Variants in ASTN2 observed in about 807,000 individuals in gnomAD.
The protein encoded by ASTN2 is astrotactin-2.
Under a neutral mutation model 139.8 loss-of-function variants are expected in ASTN2, and 54 were observed. The ratio of observed to expected loss-of-function variants is 0.39; its 90% confidence interval spans 0.31 to 0.48. The LOEUF (loss-of-function observed/expected upper bound fraction) is 0.48, where lower values mean the gene tolerates loss of function less well. Ranked by LOEUF, ASTN2 falls within the 20% of genes least tolerant of loss-of-function variation. ASTN2 has a pLI of 0.95. For synonymous variants in ASTN2, 756 were observed against 719.5 expected (o/e 1.05, Z -0.81); for missense variants, 1,565 against 1,725.1 (o/e 0.91, Z 1.64).
intron 13 of ASTN2, among the ~76,000 whole-genome samples, chr9:116,771,552 A>T (rs537828935): frequency 4.1e-4 from 62 of 152,326 alleles, no homozygotes; most frequent in African/African-American, 1.4e-3. Flanking sequence ...CTCACTCAGA[A>T]TCTGGCACAT....
chr9:116,857,410 C>G (rs889504680), intron 11 of ASTN2, among the ~76,000 whole-genome samples: 1 of 152,192 alleles, frequency 6.6e-6, no homozygotes, highest in African/African-American at 2.4e-5. Flanking sequence ...GATTATGCTG[C>G]AATCCTGCTG....
chr9:116,565,411 A>T lies in ASTN2; in HGVS notation c.3355+52913T>A, dbSNP rs1460347772. ...TCCATATATATATATATATATATAT[A>T]TATATATATATATATATATTTATTT... On this transcript the variant is annotated intron_variant, in intron 19 of 22. Coordinates refer to ENST00000313400, the MANE Select transcript of ASTN2 (RefSeq NM_001365068.1). Among the ~76,000 whole-genome samples, 16 of 105,736 alleles carry T rather than the reference A, an allele frequency of 1.5e-4. No homozygotes were observed. In the South Asian group the frequency reaches 1.5e-3, roughly 10 times the overall value. The allele number at this position is 105,736 out of a possible 152,430, so 69.4% of individuals were successfully genotyped here.
At chr9:116,477,483 G>A (rs1205835217) in intron 20 of ASTN2, among the ~76,000 whole-genome samples, 1 of 152,000 alleles carries the variant, frequency 6.6e-6, no homozygotes, top group Admixed American at 6.6e-5. Context: ...CGAGACCCTT[G>A]GCCACACCTA....
intron 13 of ASTN2, among the ~76,000 whole-genome samples, chr9:116,800,171 C>T (rs1830806980): frequency 6.6e-6 from 1 of 152,116 alleles, no homozygotes; most frequent in South Asian, 2.1e-4. Flanking sequence ...CACATTTCCC[C>T]CTTCCCCGCC....
intron 12 of ASTN2, among the ~76,000 whole-genome samples, chr9:116,815,635 C>G (rs553190226): frequency 1.3e-5 from 2 of 150,982 alleles, no homozygotes; most frequent in Non-Finnish European, 3.0e-5. Context: ...GAAACCCCAT[C>G]TCTACTAAAA....
intron 4 of ASTN2, among the ~76,000 whole-genome samples, chr9:117,140,953 C>T (rs1202440859): frequency 6.6e-6 from 1 of 152,176 alleles, no homozygotes; most frequent in Admixed American, 6.5e-5. Context: ...CTGTTTCTGG[C>T]TCCCAGACTG....
At chr9:117,100,500 A>T (rs1195549556) in intron 4 of ASTN2, among the ~76,000 whole-genome samples, 1 of 152,272 alleles carries the variant, frequency 6.6e-6, no homozygotes, top group African/African-American at 2.4e-5. Context: ...AAATTAACAT[A>T]AAGTTATTAC....
chr9:117,029,372 C>A (rs1251508578), intron 6 of ASTN2, among the ~76,000 whole-genome samples: 1 of 152,130 alleles, frequency 6.6e-6, no homozygotes, highest in Non-Finnish European at 1.5e-5. Context: ...GGGAAGCCTG[C>A]AATCATCCAT....
chr9:117,056,287 AC>A (rs1587911253), intron 5 of ASTN2, among the ~76,000 whole-genome samples: 1 of 152,204 alleles, frequency 6.6e-6, no homozygotes, highest in East Asian at 1.9e-4. Flanking sequence ...GATAACTACT[AC>A]CAGTACCTAC....
At chr9:116,614,996 G>A (rs1163244252) in intron 19 of ASTN2, among the ~76,000 whole-genome samples, 1 of 152,138 alleles carries the variant, frequency 6.6e-6, no homozygotes, top group Non-Finnish European at 1.5e-5. Context: ...CTAATATCCA[G>A]AATCTACAAA....
chr9:117,003,953 C>CGCGCGCGCGCGTGTGTGT (rs1218309835), intron 7 of ASTN2, among the ~76,000 whole-genome samples: 7 of 146,284 alleles, frequency 4.8e-5, no homozygotes, highest in African/African-American at 1.8e-4. Flanking sequence ...CGCGCGCGCG[C>CGCGCGCGCGCGTGTGTGT]GTGTGTGTGT....
chr9:117,006,487 T>G (rs925660008), intron 7 of ASTN2, among the ~76,000 whole-genome samples: 3 of 152,190 alleles, frequency 2.0e-5, no homozygotes, highest in Non-Finnish European at 4.4e-5. Flanking sequence ...ATCCAGAATC[T>G]GATCACTGTT....
chr9:117,022,672 T>G (rs1837919921), intron 6 of ASTN2, among the ~76,000 whole-genome samples: 1 of 152,150 alleles, frequency 6.6e-6, no homozygotes, highest in Non-Finnish European at 1.5e-5. Flanking sequence ...GCAAATTTAT[T>G]CATCCTTTGA....
At chr9:117,221,010 A>G (rs903976058) in intron 2 of ASTN2, among the ~76,000 whole-genome samples, 2 of 152,176 alleles carry the variant, frequency 1.3e-5, no homozygotes, top group Admixed American at 1.3e-4. Context: ...TACCTCTACC[A>G]TTTATCCAGC....
At chr9:116,766,861 TCA>T (rs1829824653) in intron 13 of ASTN2, among the ~76,000 whole-genome samples, 1 of 150,692 alleles carries the variant, frequency 6.6e-6, no homozygotes, top group Non-Finnish European at 1.5e-5. Context: ...ATCTTCATAC[TCA>T]CACATAAACA....
At chr9:116,770,103 TA>T (rs3041036) in intron 13 of ASTN2, among the ~76,000 whole-genome samples, 3,690 of 135,220 alleles carry the variant, frequency 0.027, 53 homozygotes, top group South Asian at 0.067. Flanking sequence ...CTCTGAGAGT[TA>T]AAAAAAAAAA....
intron 19 of ASTN2, among the ~76,000 whole-genome samples, 170 bp from the exon 20 acceptor site, chr9:116,487,670 T>A (rs1331428424): frequency 6.6e-6 from 1 of 152,246 alleles, no homozygotes; most frequent in African/African-American, 2.4e-5. Flanking sequence ...CCTTGATGAC[T>A]CTTTGTTCAT....
At chr9:116,715,969 G>T (rs1189655990) in intron 16 of ASTN2, among the ~76,000 whole-genome samples, 2 of 152,202 alleles carry the variant, frequency 1.3e-5, no homozygotes, top group South Asian at 4.1e-4. Flanking sequence ...TTCAATGTAT[G>T]TATCTGTATT....
intron 2 of ASTN2, among the ~76,000 whole-genome samples, chr9:117,220,936 T>C (rs921195314): frequency 2.0e-5 from 3 of 152,186 alleles, no homozygotes; most frequent in Non-Finnish European, 2.9e-5. Context: ...GCTCCAGTCC[T>C]CTGGCTGTTG....
Sources: gnomAD v4.1 joint callset for allele counts (sites outside exome capture counted in the v4.1 genomes callset) on GRCh38, gnomAD v4.1.1 for gene constraint, MANE v1.5 for transcripts, NCBI Gene and HGNC (gene_info 2026-07-23, HGNC 2026-07-21) for gene names.